FAM118B: variants seen among roughly 807,000 people sequenced by gnomAD.
FAM118B encodes protein FAM118B.
Under a neutral mutation model 38.5 loss-of-function variants are expected in FAM118B, and 24 were observed. That is an observed-to-expected ratio of 0.62 (90% CI 0.45 to 0.88). FAM118B has a LOEUF of 0.88. Ranked by LOEUF, FAM118B falls within the 40% of genes least tolerant of loss-of-function variation. FAM118B has a pLI of 0.00. For missense variants in FAM118B, 334 were observed against 420.0 expected (o/e 0.80, Z 1.79); for synonymous variants, 138 against 156.3 (o/e 0.88, Z 0.87).
intron 1 of FAM118B, among the ~76,000 whole-genome samples, chr11:126,216,376 C>CA (rs560306254): frequency 0.018 from 2,650 of 149,374 alleles, 35 homozygotes; most frequent in Non-Finnish European, 0.027. Flanking sequence ...ACTCTGTCAC[C>CA]AAAAAAAAAC....
At chr11:126,216,203 C>T (rs1949976213) in intron 1 of FAM118B, among the ~76,000 whole-genome samples, 1 of 151,936 alleles carries the variant, frequency 6.6e-6, no homozygotes, top group Non-Finnish European at 1.5e-5. Flanking sequence ...TGGTGAAACC[C>T]AATCTCTACT....
rs1317846487 is a variant in FAM118B at position 126,250,982 on chromosome 11, T to G, written c.567+249T>G. 6.6e-6 allele frequency among the ~76,000 whole-genome samples: 1 copy of G among 152,236 alleles called. No individual in the cohort carries two copies. The highest frequency in any genetic ancestry group is 6.5e-5 in the Admixed American group (1 of 15,282). ...ATTTCATCCAGTTTTAAAGCAAGATTAGAGGAAGTCACTTGAACTGTAAGA... is the reference window on the plus strand; with the variant it reads ...ATTTCATCCAGTTTTAAAGCAAGATGAGAGGAAGTCACTTGAACTGTAAGA... On this transcript the variant is annotated intron_variant, in intron 5 of 8. Coordinates refer to ENST00000533050, the MANE Select transcript of FAM118B (RefSeq NM_024556.4). This position sits in a 1 kb window ranked among gnomAD's most constrained non-coding sequence, Gnocchi z 5.1.
At chr11:126,221,014 C>T (rs2135130369) in intron 1 of FAM118B, among the ~76,000 whole-genome samples, 1 of 152,186 alleles carries the variant, frequency 6.6e-6, no homozygotes, top group Admixed American at 6.5e-5. Context: ...TAGTGAAACC[C>T]TGTCTTTACT....
At position 126,250,690 on chromosome 11, in the gene FAM118B, A is replaced by C. The variant is rs1468501499; in HGVS notation, c.524A>C (p.Gln175Pro). ...DNLLELYAAD[Q>P]GKQLESLDLT... ...CTCTTGGAACTGTATGCAGCAGATC[A>C]GGGGAAACAGCTTGAATCCCTTGAC... Residue 175 changes from glutamine to proline, a missense_variant, in exon 5 of 9, where the codon CAG (glutamine) becomes CCG (proline). Around this residue, in one of 3 missense-constraint regions of FAM118B, gnomAD observed 240 missense variants for 295.9 expected, o/e 0.81. Coordinates refer to ENST00000533050, the MANE Select transcript of FAM118B (RefSeq NM_024556.4). The surrounding 1 kb of genome is among the most constrained non-coding windows in gnomAD (Gnocchi z 5.1). 4 of 1,614,016 alleles carry C rather than the reference A, an allele frequency of 2.5e-6. No individual in the cohort carries two copies. The highest frequency in any genetic ancestry group is 3.4e-6 in the Non-Finnish European group (4 of 1,179,984).
At chr11:126,216,967 C>T (rs1196025319) in intron 1 of FAM118B, among the ~76,000 whole-genome samples, 1 of 152,246 alleles carries the variant, frequency 6.6e-6, no homozygotes, top group Non-Finnish European at 1.5e-5. Context: ...GGCGCCAGCC[C>T]TGGACAGGAC....
intron 1 of FAM118B, among the ~76,000 whole-genome samples, chr11:126,224,613 G>A (rs1950114993): frequency 6.6e-6 from 1 of 152,004 alleles, no homozygotes; most frequent in African/African-American, 2.4e-5. Context: ...AATAGAATGG[G>A]TAGAGTAGCA....
intron 1 of FAM118B, among the ~76,000 whole-genome samples, chr11:126,219,340 CTT>C (rs1234926283): frequency 3.6e-5 from 3 of 82,578 alleles, no homozygotes; most frequent in Non-Finnish European, 7.7e-5. Flanking sequence ...TCCTTCAGCT[CTT>C]GTTTATCTTT....
At position 126,256,842 on chromosome 11, in the gene FAM118B, G is replaced by C. The variant is rs747411672; in HGVS notation, c.972G>C (p.Arg324Ser). ...FKRLTCEIST[R>S]GTSAGMVREG... is the part of the protein sequence containing the mutation. ...GACTGACATGTGAGATCTCCACAAG[G>C]GGTACATCAGGTAAGATGCATTTTG... Residue 324 changes from arginine (R) to serine (S), a missense_variant, in exon 7 of 9, where the codon AGG becomes AGC. Arg to Ser is a moderately radical substitution (Grantham distance 110, BLOSUM62 -1). Around this residue, in one of 3 missense-constraint regions of FAM118B, gnomAD observed 88 missense variants for 98.1 expected, o/e 0.90. Transcript: ENST00000533050. The surrounding 1 kb of genome is among the most constrained non-coding windows in gnomAD (Gnocchi z 6.6). The C allele has an allele frequency of 1.2e-6, 2 of 1,611,396 alleles. No individual in the cohort carries two copies. Among genetic ancestry groups the C allele is most frequent in the South Asian group, 2.2e-5 (2 of 90,960 alleles).
intron 1 of FAM118B, among the ~76,000 whole-genome samples, chr11:126,226,143 TAGGC>T (rs111257900): frequency 6.8e-5 from 10 of 146,930 alleles, no homozygotes; most frequent in African/African-American, 2.3e-4. Flanking sequence ...CACTGTGAGT[TAGGC>T]AGGCCAGAAA....
chr11:126,240,203 G>C (rs1950336921), intron 3 of FAM118B, among the ~76,000 whole-genome samples: 1 of 151,508 alleles, frequency 6.6e-6, no homozygotes, highest in Non-Finnish European at 1.5e-5. Context: ...CATGTCCTTT[G>C]ATTAGTTAAT....
At chr11:126,257,328 G>C (rs915424093) in intron 7 of FAM118B, among the ~76,000 whole-genome samples, 2 of 152,162 alleles carry the variant, frequency 1.3e-5, no homozygotes, top group Non-Finnish European at 2.9e-5. Context: ...TTCTCATAAG[G>C]AGATAATTGG....
At chr11:126,220,406 CT>C (rs199527903) in intron 1 of FAM118B, among the ~76,000 whole-genome samples, 1 of 150,808 alleles carries the variant, frequency 6.6e-6, no homozygotes, top group South Asian at 2.1e-4. Context: ...TCACTGGCCA[CT>C]TTTTTTTTAA....
At chr11:126,215,779 C>T (rs1008100289) in intron 1 of FAM118B, among the ~76,000 whole-genome samples, 12 of 148,318 alleles carry the variant, frequency 8.1e-5, no homozygotes, top group Admixed American at 4.0e-4. Flanking sequence ...GGAGGCCTAG[C>T]GGGGAGGATC....
At chr11:126,243,339 C>T (rs1453298895) in intron 4 of FAM118B, among the ~76,000 whole-genome samples, 1 of 151,918 alleles carries the variant, frequency 6.6e-6, no homozygotes, top group Non-Finnish European at 1.5e-5. Context: ...TGGTTCAGGC[C>T]TGTAAGCCCA....
chr11:126,246,095 A>G (rs1267254554), intron 4 of FAM118B, among the ~76,000 whole-genome samples: 1 of 152,170 alleles, frequency 6.6e-6, no homozygotes, highest in East Asian at 1.9e-4. Context: ...TCCAGAATAT[A>G]TAAAGAACTA....
At position 126,255,822 on chromosome 11, in the gene FAM118B, A is replaced by C. The variant is rs1470662224; in HGVS notation, c.697-745A>C. On this transcript the variant is annotated intron_variant, in intron 6 of 8. Coordinates refer to ENST00000533050, the MANE Select transcript of FAM118B (RefSeq NM_024556.4). This position sits in a 1 kb window ranked among gnomAD's most constrained non-coding sequence, Gnocchi z 4.6. ...AGGAAAATTAGCTGGGCGTGCTGGCAGGTGCCTGTAATGCCAGCTACTTGG... is the reference window on the plus strand; with the variant it reads ...AGGAAAATTAGCTGGGCGTGCTGGCCGGTGCCTGTAATGCCAGCTACTTGG... 6.6e-6 allele frequency among the ~76,000 whole-genome samples: 1 copy of C among 151,576 alleles called. No homozygotes were observed. Among genetic ancestry groups the C allele is most frequent in the East Asian group, 1.9e-4 (1 of 5,148 alleles).
chr11:126,250,274 G>A lies in FAM118B; in HGVS notation c.340-232G>A, dbSNP rs1000211101. Among the ~76,000 whole-genome samples the A allele has an allele frequency of 1.3e-5, 2 of 151,950 alleles. No homozygotes were observed. The highest frequency in any genetic ancestry group is 1.9e-4 in the East Asian group (1 of 5,176). On this transcript the variant is annotated intron_variant, in intron 4 of 8. Coordinates refer to ENST00000533050, the MANE Select transcript of FAM118B (RefSeq NM_024556.4). This position sits in a 1 kb window ranked among gnomAD's most constrained non-coding sequence, Gnocchi z 5.1. ...GCCCTGCTAATTTTTTTTATTTTTA[G>A]TAGAGACGGGGTTTCACCGTGTTAG...
intron 1 of FAM118B, among the ~76,000 whole-genome samples, chr11:126,228,668 C>A (rs1718228512): frequency 6.6e-6 from 1 of 152,000 alleles, no homozygotes; most frequent in Non-Finnish European, 1.5e-5. Context: ...TCAAGAACTT[C>A]TCTGCCTCAG....
intron 1 of FAM118B, among the ~76,000 whole-genome samples, chr11:126,218,802 A>C (rs1950017548): frequency 6.6e-6 from 1 of 152,166 alleles, no homozygotes; most frequent in Admixed American, 6.5e-5. Context: ...ATATTTCTTT[A>C]GCTGACAGTG....
Sources: gnomAD v4.1 joint callset for allele counts (sites outside exome capture counted in the v4.1 genomes callset) on GRCh38, gnomAD v4.1.1 for gene constraint, gnomAD v4.1.1 regional missense constraint, Gnocchi (gnomAD v3.1) non-coding constraint, MANE v1.5 for transcripts, NCBI Gene and HGNC (gene_info 2026-07-23, HGNC 2026-07-21) for gene names.